HADH: variants seen among roughly 807,000 people sequenced by gnomAD.
HADH encodes the protein hydroxyacyl-coenzyme A dehydrogenase, mitochondrial.
HADH carries 24 observed loss-of-function variants against 32.2 expected under a neutral mutation model. The observed-to-expected ratio is 0.75, with a 90% CI of 0.54 to 1.05. The LOEUF (loss-of-function observed/expected upper bound fraction) is 1.05, where lower values mean the gene tolerates loss of function less well. HADH is among the 50% of genes least tolerant of loss of function. The pLI is 0.00. For missense variants in HADH, 350 were observed against 397.1 expected (o/e 0.88, Z 1.01); for synonymous variants, 139 against 152.5 (o/e 0.91, Z 0.65).
intron 4 of HADH, among the ~76,000 whole-genome samples, chr4:108,022,106 A>G (rs370955155): frequency 1.3e-5 from 2 of 152,178 alleles, no homozygotes; most frequent in African/African-American, 4.8e-5. Context: ...TGAAGGGTCT[A>G]AAGTAAACCC....
chr4:108,007,762 A>G (rs1735338310), intron 1 of HADH, among the ~76,000 whole-genome samples: 1 of 152,312 alleles, frequency 6.6e-6, no homozygotes, highest in South Asian at 2.1e-4. Flanking sequence ...AATCCTGTGG[A>G]TATCTTATTA....
intron 2 of HADH, among the ~76,000 whole-genome samples, chr4:108,011,850 C>A (rs1043412193): frequency 1.3e-4 from 19 of 151,978 alleles, no homozygotes; most frequent in African/African-American, 4.3e-4. Context: ...TTATTGTAGC[C>A]ATCTTAGGTG....
intron 6 of HADH, 106 bp from the exon 7 acceptor site, chr4:108,033,070 T>C (rs1736331890): frequency 2.6e-6 from 2 of 782,394 alleles, no homozygotes; most frequent in Non-Finnish European, 4.7e-6. Context: ...AGGCATTTTT[T>C]TTATTGTGCA....
Position 108,014,480 on chromosome 4 carries a change from C to A in HADH, c.311C>A (p.Thr104Lys), listed in dbSNP as rs370013373. Residue 104 changes from threonine to lysine, a missense_variant, in exon 3 of 8, where the codon ACG becomes AAG. Coordinates refer to ENST00000309522, the MANE Select transcript of HADH (RefSeq NM_005327.7). Reference protein sequence around the residue: ...EKTLSTIATSTDAASVVHSTD... With the variant: ...EKTLSTIATSKDAASVVHSTD... ...ACCCTGAGCACCATAGCGACCAGCA[C>A]GGATGCAGCCTCCGTTGTCCACAGC... is the stretch of plus-strand genomic sequence containing the variant. 6.2e-7 allele frequency: 1 copy of A among 1,614,086 alleles called. No individual in the cohort carries two copies. The highest frequency in any genetic ancestry group is 1.1e-5 in the South Asian group (1 of 91,082).
At chr4:108,031,281 G>A (rs910555482) in intron 6 of HADH, 5 of 152,260 alleles carry the variant, frequency 3.3e-5, no homozygotes, top group African/African-American at 1.2e-4. Context: ...GCAGGGAGGA[G>A]AAGAGGCTGT....
intron 1 of HADH, among the ~76,000 whole-genome samples, chr4:108,006,493 C>G (rs538615152): frequency 1.6e-4 from 24 of 152,274 alleles, no homozygotes; most frequent in African/African-American, 5.8e-4. Context: ...CCAGTTGTTT[C>G]TAATCTGTGC....
chr4:108,022,817 T>C (rs1735937728), intron 4 of HADH, among the ~76,000 whole-genome samples: 1 of 152,166 alleles, frequency 6.6e-6, no homozygotes. Flanking sequence ...AACAGAGTGA[T>C]TTCAGTGTCA....
intron 3 of HADH, among the ~76,000 whole-genome samples, chr4:108,018,614 C>T (rs1454858993): frequency 6.6e-6 from 1 of 152,104 alleles, no homozygotes; most frequent in Non-Finnish European, 1.5e-5. Flanking sequence ...TCCTCCTCTC[C>T]TCCCACCCGC....
intron 1 of HADH, among the ~76,000 whole-genome samples, chr4:108,002,404 G>C (rs962309717): frequency 6.6e-6 from 1 of 152,140 alleles, no homozygotes; most frequent in East Asian, 1.9e-4. Flanking sequence ...AATGCCTGAT[G>C]ATCTGTCACT....
At chr4:108,009,162 G>A (rs1229861710) in intron 1 of HADH, among the ~76,000 whole-genome samples, 1 of 152,138 alleles carries the variant, frequency 6.6e-6, no homozygotes, top group African/African-American at 2.4e-5. Context: ...ACCATTATTA[G>A]AGTTTAAATT....
At chr4:108,031,749 A>T (rs1475203845) in intron 6 of HADH, 1 of 152,162 alleles carries the variant, frequency 6.6e-6, no homozygotes, top group East Asian at 1.9e-4. Context: ...TACACATCTG[A>T]GTTCTCCCAT....
At chr4:108,000,390 C>G (rs1440025128) in intron 1 of HADH, among the ~76,000 whole-genome samples, 2 of 152,176 alleles carry the variant, frequency 1.3e-5, no homozygotes, top group Non-Finnish European at 2.9e-5. Context: ...TGGGATTTCT[C>G]CTATGCTCTG....
chr4:108,032,991 A>C (rs370463438), intron 6 of HADH, 185 bp from the exon 7 acceptor site: 1 of 625,286 alleles, frequency 1.6e-6, no homozygotes, highest in African/African-American at 1.8e-5. Flanking sequence ...CAAAAAAAAC[A>C]AAGTCTTATG....
At chr4:108,021,033 C>A (rs1478375613) in intron 4 of HADH, among the ~76,000 whole-genome samples, 2 of 152,174 alleles carry the variant, frequency 1.3e-5, no homozygotes. Flanking sequence ...CATTGCTTCT[C>A]AGCTTCCTCC....
chr4:108,029,338 TC>T (rs1428498965), intron 6 of HADH: 1 of 156,322 alleles, frequency 6.4e-6, no homozygotes, highest in African/African-American at 2.4e-5. Context: ...TCATGCCTGT[TC>T]CACCTCTTCA....
At chr4:108,007,663 C>A (rs1193188016) in intron 1 of HADH, among the ~76,000 whole-genome samples, 1 of 152,190 alleles carries the variant, frequency 6.6e-6, no homozygotes, top group Non-Finnish European at 1.5e-5. Flanking sequence ...TTGAGTCCAT[C>A]TCTGTTATGG....
At position 108,014,444 on chromosome 4, in the gene HADH, T is replaced by C; in HGVS notation, c.275T>C (p.Phe92Ser). 1 of 1,614,068 alleles carries C rather than the reference T, an allele frequency of 6.2e-7. No individual in the cohort carries two copies. Among genetic ancestry groups the C allele is most frequent in the Non-Finnish European group, 8.5e-7 (1 of 1,180,000 alleles). Residue 92 changes from phenylalanine (F) to serine (S), a missense_variant, in exon 3 of 8, where the codon TTT becomes TCT. Coordinates refer to ENST00000309522, the MANE Select transcript of HADH (RefSeq NM_005327.7). Reference sequence around the variant, plus strand: ...CCACTGCATTAGGCCGGCGATGAATTTGTGGAGAAGACCCTGAGCACCATA... The same window carrying C: ...CCACTGCATTAGGCCGGCGATGAATCTGTGGAGAAGACCCTGAGCACCATA... ...FAENLKAGDE[F>S]VEKTLSTIAT...
chr4:107,997,840 C>CT (rs1351621459), intron 1 of HADH, among the ~76,000 whole-genome samples: 8 of 152,100 alleles, frequency 5.3e-5, no homozygotes, highest in Admixed American at 3.3e-4. Flanking sequence ...GAAGGCCTTT[C>CT]TTTTTTTGCA....
At chr4:108,013,658 G>A (rs1347203694) in intron 2 of HADH, among the ~76,000 whole-genome samples, 1 of 152,090 alleles carries the variant, frequency 6.6e-6, no homozygotes, top group Non-Finnish European at 1.5e-5. Flanking sequence ...AATGTGGCTA[G>A]TCTAGATAGA....
Sources: gnomAD v4.1 joint callset for allele counts (sites outside exome capture counted in the v4.1 genomes callset) on GRCh38, gnomAD v4.1.1 for gene constraint, MANE v1.5 for transcripts, NCBI Gene and HGNC (gene_info 2026-07-23, HGNC 2026-07-21) for gene names.